Variants in THSD7B observed in about 807,000 individuals in gnomAD.
The protein encoded by THSD7B is thrombospondin type-1 domain-containing protein 7B.
A neutral mutation model predicts 213.6 loss-of-function variants in THSD7B; 138 were observed. The ratio of observed to expected loss-of-function variants is 0.65; its 90% CI spans 0.56 to 0.74. The LOEUF (loss-of-function observed/expected upper bound fraction) is 0.74, where lower values mean the gene tolerates loss of function less well. THSD7B is among the 30% of genes least tolerant of loss of function. The probability of loss-of-function intolerance (pLI) is 0.00; values close to 1 mark genes in which losing one functional copy is unlikely to be tolerated. For synonymous variants in THSD7B, 742 were observed against 687.0 expected (o/e 1.08, Z -1.25); for missense variants, 1,931 against 1,991.5 (o/e 0.97, Z 0.58).
At chr2:136,880,126 T>C (rs1004289616) in intron 1 of THSD7B, among the ~76,000 whole-genome samples, 2 of 152,128 alleles carry the variant, frequency 1.3e-5, no homozygotes, top group African/African-American at 4.8e-5. Flanking sequence ...CTAATAGACA[T>C]CTACAGAACT....
chr2:137,145,124 G>A (rs1030718047), intron 5 of THSD7B, among the ~76,000 whole-genome samples: 8 of 152,088 alleles, frequency 5.3e-5, no homozygotes, highest in Admixed American at 5.2e-4. Flanking sequence ...GGTCATGCAA[G>A]TGGCAACTCA....
At chr2:137,041,458 G>A (rs1686880061) in intron 2 of THSD7B, among the ~76,000 whole-genome samples, 1 of 151,666 alleles carries the variant, frequency 6.6e-6, no homozygotes, top group Non-Finnish European at 1.5e-5. Flanking sequence ...TAATATGAAT[G>A]TATGTGCCCA....
chr2:136,832,590 C>G (rs1682774954), intron 1 of THSD7B, among the ~76,000 whole-genome samples: 1 of 152,190 alleles, frequency 6.6e-6, no homozygotes, highest in South Asian at 2.1e-4. Flanking sequence ...CACCCAATCT[C>G]CCAGTGAAAT....
At chr2:136,806,124 C>T (rs534411554) in intron 1 of THSD7B, among the ~76,000 whole-genome samples, 57 of 152,318 alleles carry the variant, frequency 3.7e-4, no homozygotes, top group Middle Eastern at 3.4e-3. Flanking sequence ...CCAAAGTTGA[C>T]TCTTGTTCTC....
chr2:137,298,636 C>A (rs2104843137), intron 12 of THSD7B, among the ~76,000 whole-genome samples: 1 of 152,246 alleles, frequency 6.6e-6, no homozygotes, highest in Non-Finnish European at 1.5e-5. Context: ...CTGTGTGCAG[C>A]TTAGGGACTT....
chr2:137,079,562 T>C (rs58008952), intron 3 of THSD7B, among the ~76,000 whole-genome samples: 1,600 of 152,334 alleles, frequency 0.011, 14 homozygotes, highest in Middle Eastern at 0.027. Context: ...TTAATTTGGC[T>C]GTCTTTATCC....
intron 15 of THSD7B, among the ~76,000 whole-genome samples, chr2:137,536,489 G>A (rs887738414): frequency 6.6e-6 from 1 of 151,620 alleles, no homozygotes; most frequent in Non-Finnish European, 1.5e-5. Flanking sequence ...CATAATAGCA[G>A]TATTTTAATG....
chr2:137,595,851 A>T (rs1328844711), intron 17 of THSD7B, among the ~76,000 whole-genome samples: 4 of 151,970 alleles, frequency 2.6e-5, no homozygotes, highest in African/African-American at 9.7e-5. Flanking sequence ...GAAGGTTATA[A>T]CTATATACCT....
Position 137,381,973 on chromosome 2 carries a change from C to T in THSD7B, c.2501-23640C>T, listed in dbSNP as rs139761342. ...GATCCACTGGTCCCCCACCAACGTA[C>T]GGCAAGTGCTGGCGCTGGTAGACAT... On this transcript the variant is annotated intron_variant, in intron 12 of 27. Coordinates refer to ENST00000409968, the MANE Select transcript of THSD7B (RefSeq NM_001316349.2). Among the ~76,000 whole-genome samples, 273 of 152,304 alleles carry T rather than the reference C, an allele frequency of 1.8e-3. 1 individual carries two copies. Among genetic ancestry groups the T allele is most frequent in the Middle Eastern group, 6.8e-3 (2 of 294 alleles).
Position 137,242,527 on chromosome 2 carries a change from A to T in THSD7B, c.2221A>T (p.Thr741Ser), listed in dbSNP as rs1408140209. The T allele has an allele frequency of 6.2e-7, 1 of 1,613,768 alleles. No individual in the cohort carries two copies. Among genetic ancestry groups the T allele is most frequent in the Non-Finnish European group, 8.5e-7 (1 of 1,179,826 alleles). ...FLPCKKDCIV[T>S]AFSEWTPCPR... ...CCCATGCAAAAAAGACTGTATTGTG[A>T]CTGCTTTCAGTGAGTGGACACCCTG... The change falls in exon 10 of 28, where the codon ACT becomes TCT. Residue 741 changes from threonine to serine, a missense_variant. Thr to Ser is a moderately conservative substitution (Grantham distance 58). Transcript: ENST00000409968.
chr2:136,802,639 T>A lies in THSD7B; in HGVS notation c.-36+36952T>A, dbSNP rs1366858691. On this transcript the variant is annotated intron_variant, in intron 1 of 27. Coordinates refer to ENST00000409968, the MANE Select transcript of THSD7B (RefSeq NM_001316349.2). ...TTTAAAAATAATTTATGAATTAAGT[T>A]TATATATATATATATATATATATAT... Among the ~76,000 whole-genome samples, 172 of 57,360 alleles carry A rather than the reference T, an allele frequency of 3.0e-3. 1 individual carries two copies. Among genetic ancestry groups the A allele is most frequent in the African/African-American group, 6.7e-3 (140 of 20,814 alleles). The allele number at this position is 57,360 out of a possible 152,430, so 37.6% of individuals were successfully genotyped here.
intron 1 of THSD7B, among the ~76,000 whole-genome samples, chr2:136,878,497 A>T (rs1396057526): frequency 6.6e-6 from 1 of 152,110 alleles, no homozygotes. Context: ...TGCCACACTG[A>T]CTTCCACAAT....
rs184066785 is a variant in THSD7B at position 137,078,977 on chromosome 2, C to A, written c.951-15896C>A. Among the ~76,000 whole-genome samples the A allele has an allele frequency of 2.6e-4, 39 of 152,068 alleles. No homozygotes were observed. In the East Asian group the frequency reaches 7.3e-3, roughly 29 times the overall value. ...AAGTAGAGTGTTGTTTGTGATATTTCTATTTTTTGAGAATCTACTGATGTT... is the reference window on the plus strand; with the variant it reads ...AAGTAGAGTGTTGTTTGTGATATTTATATTTTTTGAGAATCTACTGATGTT... On this transcript the variant is annotated intron_variant, in intron 3 of 27. Coordinates refer to ENST00000409968, the MANE Select transcript of THSD7B (RefSeq NM_001316349.2).
At chr2:137,558,139 G>A (rs1681023020) in intron 15 of THSD7B, among the ~76,000 whole-genome samples, 1 of 152,176 alleles carries the variant, frequency 6.6e-6, no homozygotes, top group Admixed American at 6.5e-5. Flanking sequence ...GAGGTACAAG[G>A]AGGAGCTGGT....
chr2:137,394,953 GCTCT>G (rs1200112282), intron 12 of THSD7B, among the ~76,000 whole-genome samples: 2 of 147,090 alleles, frequency 1.4e-5, no homozygotes, highest in Non-Finnish European at 3.0e-5. Flanking sequence ...TCATGATTTG[GCTCT>G]CTGTTTGTCT....
At chr2:137,006,577 T>C (rs1558884563) in intron 2 of THSD7B, among the ~76,000 whole-genome samples, 1 of 152,180 alleles carries the variant, frequency 6.6e-6, no homozygotes, top group Non-Finnish European at 1.5e-5. Context: ...ATACTGCCTG[T>C]TCACACTCCA....
chr2:137,302,895 A>G (rs1683640042), intron 12 of THSD7B, among the ~76,000 whole-genome samples: 1 of 152,196 alleles, frequency 6.6e-6, no homozygotes. Context: ...CTTCCCCTTC[A>G]TTCTCCTACT....
At chr2:137,312,114 C>T (rs550922224) in intron 12 of THSD7B, among the ~76,000 whole-genome samples, 15 of 151,468 alleles carry the variant, frequency 9.9e-5, no homozygotes, top group East Asian at 7.7e-4. Context: ...TGGTAGAATT[C>T]GGCTGTGAAT....
At chr2:136,824,914 C>T (rs1349697834) in intron 1 of THSD7B, among the ~76,000 whole-genome samples, 1 of 152,160 alleles carries the variant, frequency 6.6e-6, no homozygotes, top group Middle Eastern at 3.2e-3. Context: ...ATATGTGTCT[C>T]TATAACTCAA....
Sources: gnomAD v4.1 joint callset for allele counts (sites outside exome capture counted in the v4.1 genomes callset) on GRCh38, gnomAD v4.1.1 for gene constraint, MANE v1.5 for transcripts, NCBI Gene and HGNC (gene_info 2026-07-23, HGNC 2026-07-21) for gene names.